HDAC10: variants seen among roughly 807,000 people sequenced by gnomAD.
HDAC10 encodes the protein histone deacetylase 10.
In HDAC10, 90 loss-of-function variants were observed where a neutral mutation model predicts 82.3. That is an observed-to-expected ratio of 1.09 (90% CI 0.92 to 1.30). The LOEUF is 1.30. Ranked by LOEUF, HDAC10 falls within the 50% of genes most tolerant of loss-of-function variation. The pLI, the probability that HDAC10 is intolerant of heterozygous loss-of-function variation, is 0.00. For missense variants in HDAC10, 934 were observed against 876.3 expected, an observed-to-expected ratio of 1.07 and a Z score of -0.83; for synonymous variants, 456 against 391.7, an observed-to-expected ratio of 1.16 and a Z score of -1.94.
At chr22:50,246,510 C>CAATG in intron 16 of HDAC10, 134 bp from the exon 17 acceptor site, 1 of 1,022,548 alleles carries the variant, frequency 9.8e-7, no homozygotes, top group Admixed American at 1.8e-5. Flanking sequence ...GTGCTGGAGA[C>CAATG]CCACCTGGCA....
chr22:50,246,670 G>A lies in HDAC10; in HGVS notation c.1571+9C>T. 6.2e-7 allele frequency: 1 copy of A among 1,610,864 alleles called. No homozygotes were observed. ...ATGGCTGGACATATGCAAGACCTGA[G>A]AGTCCTACCCGTCATGGGCGAGGTC... On this transcript the variant is annotated intron_variant, in intron 16 of 19. Transcript: ENST00000216271.
chr22:50,248,418 G>GC lies in HDAC10; in HGVS notation c.960dup (p.Leu321AlafsTer4). 6.2e-7 allele frequency: 1 copy of GC among 1,608,928 alleles called. No individual in the cohort carries two copies. Among genetic ancestry groups the GC allele is most frequent in the Non-Finnish European group, 8.5e-7 (1 of 1,179,912 alleles). ...AGGGGTGGGGCCGGGTCACCCAGCA[G>GC]CGTCTGTACTGTCATGCACACTGAC... On this transcript the variant is annotated frameshift_variant, in exon 11 of 20. Transcript: ENST00000216271. LOFTEE classifies it high-confidence loss of function. The surrounding 1 kb of genome is among the most constrained non-coding windows in gnomAD (Gnocchi z 5.4).
chr22:50,249,636 T>C lies in HDAC10; in HGVS notation c.562A>G (p.Ser188Gly). The C allele has an allele frequency of 6.2e-7, 1 of 1,612,834 alleles. No homozygotes were observed. Among genetic ancestry groups the C allele is most frequent in the South Asian group, 1.1e-5 (1 of 91,080 alleles). The part of the protein sequence containing the change: ...GIQYLFEDDP[S>G]VLYFSWHRYE... Reference sequence around the variant, plus strand: ...GGTGGTTTCCGCACCCCTGCTCACCTGGGGTCATCCTCAAAGAGATACTGG... The same window carrying C: ...GGTGGTTTCCGCACCCCTGCTCACCCGGGGTCATCCTCAAAGAGATACTGG... Residue 188 changes from serine to glycine, a missense_variant and splice_region_variant, in exon 6 of 20, where the codon AGC becomes GGC. Ser to Gly is a moderately conservative substitution (Grantham distance 56). Coordinates refer to ENST00000216271, the MANE Select transcript of HDAC10 (RefSeq NM_032019.6). This position sits in a 1 kb window ranked among gnomAD's most constrained non-coding sequence, Gnocchi z 4.4.
chr22:50,245,510 A>T lies in HDAC10; in HGVS notation c.2007T>A (p.Ala669=). The change falls in exon 20 of 20, where the codon GCT becomes GCA. Residue 669 remains alanine, a synonymous_variant. Transcript: ENST00000216271. ...KMLQCHPHLV[A] is the part of the protein sequence containing the mutation. ...AATGCTCCCACCTTGGCCGATTTCA[A>T]GCCACCAGGTGAGGATGGCACTACA... The T allele has an allele frequency of 1.1e-6, 1 of 884,594 alleles. No individual in the cohort carries two copies. The highest frequency in any genetic ancestry group is 1.9e-6 in the Non-Finnish European group (1 of 516,632). 54.8% of individuals were successfully genotyped at this position (884,594 alleles called of 1,614,324 possible).
chr22:50,248,068 C>T lies in HDAC10; in HGVS notation c.1159G>A (p.Val387Met), dbSNP rs1478450590. ...RPPPLLPGGP[V>M]CKAAASAPSS... Reference sequence around the variant, plus strand: ...GGTGCAGATGCAGCTGCCTTACACACTGGACCCCCAGGCAGCAGAGGTGGA... The same window carrying T: ...GGTGCAGATGCAGCTGCCTTACACATTGGACCCCCAGGCAGCAGAGGTGGA... Residue 387 changes from valine to methionine, a missense_variant, in exon 13 of 20, where the codon GTG becomes ATG. Physicochemically the swap from Val to Met is conservative, Grantham distance 21. Coordinates refer to ENST00000216271, the MANE Select transcript of HDAC10 (RefSeq NM_032019.6). The surrounding 1 kb of genome is among the most constrained non-coding windows in gnomAD (Gnocchi z 5.4). The T allele has an allele frequency of 7.5e-6, 12 of 1,605,176 alleles. No individual in the cohort carries two copies. The highest frequency in any genetic ancestry group is 1.0e-5 in the Non-Finnish European group (12 of 1,174,974).
At position 50,249,529 on chromosome 22, in the gene HDAC10, G is replaced by A. The variant is rs2065035347; in HGVS notation, c.564-75C>T. On this transcript the variant is annotated intron_variant, in intron 6 of 19. Transcript: ENST00000216271. This position sits in a 1 kb window ranked among gnomAD's most constrained non-coding sequence, Gnocchi z 4.4. ...GCTCTACAGCTCCCTGTAGAACGCT[G>A]ACCCCTGAGCACATGTCTGTATCTC... 4 of 1,605,786 alleles carry A rather than the reference G, an allele frequency of 2.5e-6. No individual in the cohort carries two copies. In the South Asian group the frequency reaches 4.4e-5, roughly 18 times the overall value.
Position 50,249,587 on chromosome 22 carries a change from C to T in HDAC10, c.563+48G>A. 6.2e-7 allele frequency: 1 copy of T among 1,611,040 alleles called. No homozygotes were observed. Among genetic ancestry groups the T allele is most frequent in the Non-Finnish European group, 8.5e-7 (1 of 1,178,552 alleles). Reference sequence around the variant, plus strand: ...GATTTTCCCAGGCCAGGCTGTGCACCCAAAAACTGGGGCTGCAGGGAAGGG... The same window carrying T: ...GATTTTCCCAGGCCAGGCTGTGCACTCAAAAACTGGGGCTGCAGGGAAGGG... On this transcript the variant is annotated intron_variant, in intron 6 of 19. Transcript: ENST00000216271. The surrounding 1 kb of genome is among the most constrained non-coding windows in gnomAD (Gnocchi z 4.4).
chr22:50,248,673 C>G lies in HDAC10; in HGVS notation c.895G>C (p.Ala299Pro), dbSNP rs1873312627. ...CCCTCCCCAGTCACCTCCAGCACGG[C>G]ACAGACCCGGCCGCCGGCCAGCACC... ...LQVLAGGRVCAVLEGGYHLES... is the reference protein window; with the variant it reads ...LQVLAGGRVCPVLEGGYHLES... Residue 299 changes from alanine (A) to proline (P), a missense_variant, in exon 10 of 20, where the codon GCC becomes CCC. Ala to Pro is a conservative substitution (Grantham distance 27, BLOSUM62 -1). Transcript: ENST00000216271. This position sits in a 1 kb window ranked among gnomAD's most constrained non-coding sequence, Gnocchi z 5.4. The G allele has an allele frequency of 1.3e-6, 2 of 1,518,672 alleles. No homozygotes were observed. Among genetic ancestry groups the G allele is most frequent in the Non-Finnish European group, 1.8e-6 (2 of 1,131,022 alleles). The allele number at this position is 1,518,672 out of a possible 1,614,324, so 94.1% of individuals were successfully genotyped here. A position where few individuals can be genotyped will look rare whatever the true frequency, so the allele number is the denominator to read the frequency against.
chr22:50,249,444 A>G lies in HDAC10; in HGVS notation c.574T>C (p.Phe192Leu), dbSNP rs1471079879. 6.2e-7 allele frequency: 1 copy of G among 1,612,644 alleles called. No individual in the cohort carries two copies. Among genetic ancestry groups the G allele is most frequent in the South Asian group, 1.1e-5 (1 of 91,088 alleles). ...LFEDDPSVLY[F>L]SWHRYEHGRF... is the part of the protein sequence containing the mutation. ...CCATGCTCATAGCGGTGCCAGGAGA[A>G]GTAAAGGACGCTGCCAACAGCCAGC... is the stretch of plus-strand genomic sequence containing the variant. Residue 192 changes from phenylalanine (F) to leucine (L), a missense_variant, in exon 7 of 20, where the codon TTC becomes CTC. Coordinates refer to ENST00000216271, the MANE Select transcript of HDAC10 (RefSeq NM_032019.6). This position sits in a 1 kb window ranked among gnomAD's most constrained non-coding sequence, Gnocchi z 4.4.
At position 50,248,797 on chromosome 22, in the gene HDAC10, C is replaced by T; in HGVS notation, c.816+34G>A. ...GATGGGGGACCTGGGCCCCAGGACCCCAGAAGCCCTCCCTGGCAAGGCAAG... is the reference window on the plus strand; with the variant it reads ...GATGGGGGACCTGGGCCCCAGGACCTCAGAAGCCCTCCCTGGCAAGGCAAG... On this transcript the variant is annotated intron_variant, in intron 9 of 19. Coordinates refer to ENST00000216271, the MANE Select transcript of HDAC10 (RefSeq NM_032019.6). This position sits in a 1 kb window ranked among gnomAD's most constrained non-coding sequence, Gnocchi z 5.4. 2 of 1,604,430 alleles carry T rather than the reference C, an allele frequency of 1.2e-6. No homozygotes were observed. The highest frequency in any genetic ancestry group is 1.7e-6 in the Non-Finnish European group (2 of 1,175,882).
At position 50,245,945 on chromosome 22, in the gene HDAC10, G is replaced by C; in HGVS notation, c.1798C>G (p.Leu600Val). 3.8e-6 allele frequency: 6 copies of C among 1,597,012 alleles called. No individual in the cohort carries two copies. Among genetic ancestry groups the C allele is most frequent in the Non-Finnish European group, 5.1e-6 (6 of 1,172,700 alleles). ...AALLAAMLRG[L>V]AGGRVLALLE... ...AGGGCCAGGACTCGGCCCCCTGCCAGCCCCCGAAGCATTGCAGCCAGGAGT... is the reference window on the plus strand; with the variant it reads ...AGGGCCAGGACTCGGCCCCCTGCCACCCCCCGAAGCATTGCAGCCAGGAGT... Residue 600 changes from leucine to valine, a missense_variant, in exon 18 of 20, where the codon CTG becomes GTG. Coordinates refer to ENST00000216271, the MANE Select transcript of HDAC10 (RefSeq NM_032019.6).
chr22:50,248,533 G>A lies in HDAC10; in HGVS notation c.907-61C>T. The stretch of plus-strand genomic sequence containing the variant: ...TATCACTGGGATGGGATGTCACCGG[G>A]AGAGCCCCTGCCTGGCTCTATCCCG... On this transcript the variant is annotated intron_variant, in intron 10 of 19. Transcript: ENST00000216271. The surrounding 1 kb of genome is among the most constrained non-coding windows in gnomAD (Gnocchi z 5.4). The A allele has an allele frequency of 6.5e-7, 1 of 1,532,426 alleles. No individual in the cohort carries two copies. Among genetic ancestry groups the A allele is most frequent in the South Asian group, 1.2e-5 (1 of 85,554 alleles). The allele number at this position is 1,532,426 out of a possible 1,614,324, so 94.9% of individuals were successfully genotyped here.
Position 50,249,295 on chromosome 22 carries a change from C to T in HDAC10, c.690+33G>A. ...AGGGGAGGGGCCCAGGGGGAGGGGGCTGGGTGGGGACCTGGGGCTTGAGGG... is the reference window on the plus strand; with the variant it reads ...AGGGGAGGGGCCCAGGGGGAGGGGGTTGGGTGGGGACCTGGGGCTTGAGGG... On this transcript the variant is annotated intron_variant, in intron 7 of 19. Transcript: ENST00000216271. The surrounding 1 kb of genome is among the most constrained non-coding windows in gnomAD (Gnocchi z 4.4). The T allele has an allele frequency of 9.7e-7, 1 of 1,027,782 alleles. No individual in the cohort carries two copies. The highest frequency in any genetic ancestry group is 1.3e-6 in the Non-Finnish European group (1 of 752,792). The allele number at this position is 1,027,782 out of a possible 1,614,324, so 63.7% of individuals were successfully genotyped here. A position where few individuals can be genotyped will look rare whatever the true frequency, so the allele number is the denominator to read the frequency against.
chr22:50,248,772 G>T lies in HDAC10; in HGVS notation c.817-21C>A, dbSNP rs775222858. The T allele has an allele frequency of 1.5e-5, 24 of 1,593,648 alleles. No homozygotes were observed. In the South Asian group the frequency reaches 2.7e-4, roughly 18 times the overall value. ...TGCCCCTGGAACCAGAGCCATGTGT[G>T]ATGGGGGACCTGGGCCCCAGGACCC... On this transcript the variant is annotated intron_variant, in intron 9 of 19. Transcript: ENST00000216271. This position sits in a 1 kb window ranked among gnomAD's most constrained non-coding sequence, Gnocchi z 5.4.
rs2064913174 is a variant in HDAC10 at position 50,245,335 on chromosome 22, G to A, written c.*172C>T. 3.1e-6 allele frequency: 2 copies of A among 645,698 alleles called. No homozygotes were observed. The highest frequency in any genetic ancestry group is 1.8e-5 in the African/African-American group (1 of 55,586). The allele number at this position is 645,698 out of a possible 1,614,324, so 40.0% of individuals were successfully genotyped here. A position where few individuals can be genotyped will look rare whatever the true frequency, so the allele number is the denominator to read the frequency against. ...GGGGCGGGGGCGAGGTGAGGTGAGG[G>A]GTGGAGCGGGGGAAGCACGGGTGGG... On this transcript the variant is annotated 3_prime_UTR_variant, in exon 20 of 20. Transcript: ENST00000216271.
Position 50,251,095 on chromosome 22 carries a change from T to TC in HDAC10, c.-64dup. On this transcript the variant is annotated 5_prime_UTR_variant, in exon 1 of 20. Transcript: ENST00000216271. ...CGCTAGTGGTGCCTGCCACTGCCTG[T>TC]CCCCACCTTCGGCCGGGAGCAGCCG... 6.6e-7 allele frequency: 1 copy of TC among 1,514,334 alleles called. No individual in the cohort carries two copies. Among genetic ancestry groups the TC allele is most frequent in the Non-Finnish European group, 9.0e-7 (1 of 1,108,580 alleles). The allele number at this position is 1,514,334 out of a possible 1,614,324, so 93.8% of individuals were successfully genotyped here.
At position 50,249,696 on chromosome 22, in the gene HDAC10, C is replaced by A. The variant is rs777606755; in HGVS notation, c.502G>T (p.Val168Phe). ...KQKHGLHRILVVDWDVHHGQG... is the reference protein window; with the variant it reads ...KQKHGLHRILFVDWDVHHGQG... ...CCATGGTGCACATCCCAGTCCACGA[C>A]GAGGATCCTGGGTACAGACAGCGCT... is the stretch of plus-strand genomic sequence containing the variant. The change falls in exon 6 of 20, where the codon GTC becomes TTC. Residue 168 changes from valine (V) to phenylalanine (F), a missense_variant. Transcript: ENST00000216271. The surrounding 1 kb of genome is among the most constrained non-coding windows in gnomAD (Gnocchi z 4.4). The A allele has an allele frequency of 6.2e-7, 1 of 1,612,570 alleles. No individual in the cohort carries two copies. The highest frequency in any genetic ancestry group is 1.3e-5 in the African/African-American group (1 of 74,836).
chr22:50,249,758 C>T lies in HDAC10; in HGVS notation c.495-55G>A. 1 of 1,609,202 alleles carries T rather than the reference C, an allele frequency of 6.2e-7. No individual in the cohort carries two copies. The highest frequency in any genetic ancestry group is 1.1e-5 in the South Asian group (1 of 90,900). Reference sequence around the variant, plus strand: ...GGCAGGGCCTCCCACCTCCAGGAGCCCGGCCAGGGATGGGAAGGTGCTGGC... The same window carrying T: ...GGCAGGGCCTCCCACCTCCAGGAGCTCGGCCAGGGATGGGAAGGTGCTGGC... On this transcript the variant is annotated intron_variant, in intron 5 of 19. Transcript: ENST00000216271. The surrounding 1 kb of genome is among the most constrained non-coding windows in gnomAD (Gnocchi z 4.4).
Position 50,249,256 on chromosome 22 carries a change from G to C in HDAC10, c.690+72C>G. ...GTGGGTGGGGACCTGGGGCTTGAGG[G>C]TGAACTGTGGGGGAGGGGAGGGGCC... is the stretch of plus-strand genomic sequence containing the variant. On this transcript the variant is annotated intron_variant, in intron 7 of 19. Coordinates refer to ENST00000216271, the MANE Select transcript of HDAC10 (RefSeq NM_032019.6). This position sits in a 1 kb window ranked among gnomAD's most constrained non-coding sequence, Gnocchi z 4.4. 1 of 1,353,408 alleles carries C rather than the reference G, an allele frequency of 7.4e-7. No homozygotes were observed. The highest frequency in any genetic ancestry group is 1.0e-6 in the Non-Finnish European group (1 of 993,972). The allele number at this position is 1,353,408 out of a possible 1,614,324, so 83.8% of individuals were successfully genotyped here.
Sources: allele counts gnomAD v4.1 joint callset, GRCh38; gene constraint gnomAD v4.1.1; non-coding constraint Gnocchi (gnomAD v3.1); transcripts MANE v1.5; gene names NCBI Gene and HGNC (gene_info 2026-07-23, HGNC 2026-07-21).